The following CNTNAP2 variants were observed in gnomAD, a reference collection of about 807,000 sequenced individuals.
CNTNAP2 encodes contactin-associated protein-like 2.
In CNTNAP2, 98 loss-of-function variants were observed where a neutral mutation model predicts 155.2. The observed-to-expected ratio is 0.63, with a 90% CI of 0.54 to 0.75. The LOEUF (loss-of-function observed/expected upper bound fraction) is 0.75, where lower values mean the gene tolerates loss of function less well. Among genes scored for constraint, CNTNAP2 ranks in the 30% least tolerant of loss-of-function variants. CNTNAP2 has a pLI of 0.00. For missense variants in CNTNAP2, 1,727 were observed against 1,688.1 expected, an observed-to-expected ratio of 1.02 and a Z score of -0.40; for synonymous variants, 651 against 631.2, an observed-to-expected ratio of 1.03 and a Z score of -0.47.
At chr7:148,014,603 G>T (rs1044571209) in intron 15 of CNTNAP2, among the ~76,000 whole-genome samples, 6 of 152,134 alleles carry the variant, frequency 3.9e-5, no homozygotes, top group African/African-American at 1.4e-4. Flanking sequence ...CAAAACAAAG[G>T]CGTGGTCACT....
At chr7:147,611,019 C>A (rs1402010746) in intron 12 of CNTNAP2, among the ~76,000 whole-genome samples, 4 of 152,068 alleles carry the variant, frequency 2.6e-5, no homozygotes, top group African/African-American at 9.7e-5. Flanking sequence ...GGATTACAAG[C>A]ATGAGCCACC....
intron 20 of CNTNAP2, among the ~76,000 whole-genome samples, chr7:148,243,949 G>T (rs891125354): frequency 2.0e-5 from 3 of 152,174 alleles, no homozygotes; most frequent in Non-Finnish European, 4.4e-5. Flanking sequence ...AGCCCACTGT[G>T]TATATATAGG....
chr7:146,346,202 G>A (rs1370297862), intron 1 of CNTNAP2, among the ~76,000 whole-genome samples: 1 of 152,156 alleles, frequency 6.6e-6, no homozygotes, highest in African/African-American at 2.4e-5. Flanking sequence ...GAACCAGGCT[G>A]CACAGCAGGA....
intron 3 of CNTNAP2, among the ~76,000 whole-genome samples, chr7:146,987,873 A>T (rs919955597): frequency 6.6e-6 from 1 of 152,108 alleles, no homozygotes; most frequent in Admixed American, 6.6e-5. Flanking sequence ...CTATTTTATA[A>T]TCATCCTATA....
At position 147,924,143 on chromosome 7, in the gene CNTNAP2, C is replaced by CTTTTTTTTTTTTT. The variant is rs71527854; in HGVS notation, c.2255+20423_2255+20435dup. 2.0e-3 allele frequency among the ~76,000 whole-genome samples: 247 copies of CTTTTTTTTTTTTT among 123,400 alleles called. 1 individual carries two copies. The highest frequency in any genetic ancestry group is 4.5e-3 in the Middle Eastern group (1 of 220). 81.0% of individuals were successfully genotyped at this position (123,400 alleles called of 152,430 possible). A position where few individuals can be genotyped will look rare whatever the true frequency, so the allele number is the denominator to read the frequency against. On this transcript the variant is annotated intron_variant, in intron 14 of 23. Coordinates refer to ENST00000361727, the MANE Select transcript of CNTNAP2 (RefSeq NM_014141.6). ...GCACTTTTTTCTTTTCTTTTCTTTT[C>CTTTTTTTTTTTTT]TTTTTTTTTTTTTGAGACAGAGTTT...
chr7:148,073,427 T>C (rs981168499), intron 15 of CNTNAP2, among the ~76,000 whole-genome samples: 1 of 152,194 alleles, frequency 6.6e-6, no homozygotes, highest in African/African-American at 2.4e-5. Flanking sequence ...CTCTTCCAAG[T>C]AGTATGATGA....
intron 3 of CNTNAP2, among the ~76,000 whole-genome samples, chr7:147,022,815 G>A (rs1798839551): frequency 6.6e-6 from 1 of 151,934 alleles, no homozygotes; most frequent in African/African-American, 2.4e-5. Flanking sequence ...AAACAAACAT[G>A]GGACTCTTCT....
At chr7:146,794,263 C>T (rs963022658) in intron 2 of CNTNAP2, among the ~76,000 whole-genome samples, 1 of 152,130 alleles carries the variant, frequency 6.6e-6, no homozygotes, top group African/African-American at 2.4e-5. Context: ...TATCATATCT[C>T]TATGTCTGAA....
intron 17 of CNTNAP2, among the ~76,000 whole-genome samples, chr7:148,157,863 A>T (rs978893833): frequency 6.6e-6 from 1 of 152,238 alleles, no homozygotes; most frequent in Non-Finnish European, 1.5e-5. Context: ...AGCAAAAAAA[A>T]TTACTACATT....
At chr7:147,442,697 A>G (rs1025723557) in intron 10 of CNTNAP2, among the ~76,000 whole-genome samples, 4 of 152,128 alleles carry the variant, frequency 2.6e-5, no homozygotes, top group Non-Finnish European at 5.9e-5. Flanking sequence ...TTTGAGCCCA[A>G]GGACACTTCA....
intron 2 of CNTNAP2, among the ~76,000 whole-genome samples, chr7:146,826,776 T>C (rs1261797744): frequency 1.3e-5 from 2 of 151,776 alleles, no homozygotes; most frequent in Non-Finnish European, 2.9e-5. Context: ...AATGACTTAA[T>C]TTTATGAGGA....
At chr7:146,248,160 TAA>T (rs1426285412) in intron 1 of CNTNAP2, among the ~76,000 whole-genome samples, 1 of 151,698 alleles carries the variant, frequency 6.6e-6, no homozygotes, top group Non-Finnish European at 1.5e-5. Context: ...CGCAGAGATA[TAA>T]GAGGTCCGGG....
chr7:147,302,757 T>C (rs1468312845), intron 9 of CNTNAP2, among the ~76,000 whole-genome samples: 1 of 152,262 alleles, frequency 6.6e-6, no homozygotes, highest in Non-Finnish European at 1.5e-5. Context: ...CGTCAGTCAC[T>C]GAAAAGTTTG....
intron 8 of CNTNAP2, among the ~76,000 whole-genome samples, chr7:147,232,710 A>G (rs1369501310): frequency 6.6e-6 from 1 of 152,220 alleles, no homozygotes; most frequent in Admixed American, 6.5e-5. Context: ...TAAATGAAAT[A>G]TCTGAAACCA....
At chr7:147,346,299 C>T (rs1164770814) in intron 9 of CNTNAP2, among the ~76,000 whole-genome samples, 6 of 151,006 alleles carry the variant, frequency 4.0e-5, no homozygotes, top group African/African-American at 9.7e-5. Context: ...GGACTACAGG[C>T]GCCCGCCACC....
Position 147,151,009 on chromosome 7 carries a change from A to G in CNTNAP2, c.1348+18500A>G, listed in dbSNP as rs546295955. Among the ~76,000 whole-genome samples the G allele has an allele frequency of 3.9e-5, 6 of 152,296 alleles. No homozygotes were observed. In the East Asian group the frequency reaches 1.2e-3, roughly 29 times the overall value. ...TAAGGGGCAGTCTGTGGCAACTAAG[A>G]GGTGCTTGATGTATTTTAATTCACA... On this transcript the variant is annotated intron_variant, in intron 8 of 23. Transcript: ENST00000361727.
intron 3 of CNTNAP2, among the ~76,000 whole-genome samples, chr7:146,964,697 G>A (rs1279442787): frequency 6.6e-6 from 1 of 152,164 alleles, no homozygotes; most frequent in African/African-American, 2.4e-5. Flanking sequence ...TTTATGTACA[G>A]CAGGGGTTCA....
At chr7:147,778,789 G>A (rs1457313285) in intron 13 of CNTNAP2, among the ~76,000 whole-genome samples, 1 of 152,154 alleles carries the variant, frequency 6.6e-6, no homozygotes, top group Admixed American at 6.5e-5. Flanking sequence ...GGGATTACAG[G>A]CCTGAGCCAC....
intron 1 of CNTNAP2, among the ~76,000 whole-genome samples, chr7:146,593,816 C>G (rs955421933): frequency 6.6e-6 from 1 of 152,170 alleles, no homozygotes. Context: ...TCTTTTTCAA[C>G]TAGGCCTGAC....
Sources: gnomAD v4.1 joint callset for allele counts (sites outside exome capture counted in the v4.1 genomes callset) on GRCh38, gnomAD v4.1.1 for gene constraint, MANE v1.5 for transcripts, NCBI Gene and HGNC (gene_info 2026-07-23, HGNC 2026-07-21) for gene names.